The following FNTB variants were observed in gnomAD, a reference collection of about 807,000 sequenced individuals.
FNTB encodes protein farnesyltransferase subunit beta.
FNTB carries 27 observed loss-of-function variants against 59.4 expected under a neutral mutation model. The observed-to-expected ratio is 0.45, with a 90% CI of 0.34 to 0.63. The LOEUF (loss-of-function observed/expected upper bound fraction) is 0.63, where lower values mean the gene tolerates loss of function less well. Ranked by LOEUF, FNTB falls within the 20% of genes least tolerant of loss-of-function variation. The probability of loss-of-function intolerance (pLI) is 0.02; values close to 1 mark genes in which losing one functional copy is unlikely to be tolerated. For synonymous variants in FNTB, 230 were observed against 220.7 expected, an observed-to-expected ratio of 1.04 and a Z score of -0.37; for missense variants, 449 against 559.6, an observed-to-expected ratio of 0.80 and a Z score of 1.99.
At chr14:65,002,396 G>T (rs939172928) in intron 1 of FNTB, among the ~76,000 whole-genome samples, 6 of 152,188 alleles carry the variant, frequency 3.9e-5, no homozygotes, top group Admixed American at 6.5e-5. Flanking sequence ...ATCACCTGAG[G>T]TCAGGAGTTC....
chr14:65,019,751 C>T (rs1052553249), intron 4 of FNTB, among the ~76,000 whole-genome samples: 3 of 152,084 alleles, frequency 2.0e-5, no homozygotes, highest in African/African-American at 7.2e-5. Flanking sequence ...TGCTTTGTGC[C>T]TAGGAGGTGG....
rs1304200825 is a variant in FNTB, at chr14:65,009,872, C to T, written c.210-2445C>T. ...TGATCACAGCGTTTATTGGACAGGG[C>T]TCTGCTTGTCATTTTCACATGTGTG... On this transcript the variant is annotated intron_variant, in intron 2 of 11. Transcript: ENST00000246166. This position sits in a 1 kb window ranked among gnomAD's most constrained non-coding sequence, Gnocchi z 4.2. Among the ~76,000 whole-genome samples, 13 of 152,148 alleles carry T rather than the reference C, an allele frequency of 8.5e-5. No homozygotes were observed. Among genetic ancestry groups the T allele is most frequent in the Admixed American group, 7.9e-4 (12 of 15,266 alleles).
chr14:65,062,168 TA>T lies in FNTB; in HGVS notation c.*857del, dbSNP rs1458350886. 2.6e-5 allele frequency: 4 copies of T among 152,566 alleles called. No homozygotes were observed. The highest frequency in any genetic ancestry group is 9.6e-5 in the African/African-American group (4 of 41,598). The allele number at this position is 152,566 out of a possible 1,614,324, so 9.5% of individuals were successfully genotyped here. ...AGGCCGAGGCCCTTCTGGGGGTTTC[TA>T]TCTTTCTTCCACCAGACTCCAAGCC... On this transcript the variant is annotated 3_prime_UTR_variant, in exon 12 of 12. Coordinates refer to ENST00000246166, the MANE Select transcript of FNTB (RefSeq NM_002028.4). The surrounding 1 kb of genome is among the most constrained non-coding windows in gnomAD (Gnocchi z 4.3).
chr14:64,990,569 C>G lies in FNTB; in HGVS notation c.144+3472C>G, dbSNP rs974476715. On this transcript the variant is annotated intron_variant, in intron 1 of 11. Transcript: ENST00000246166. This position sits in a 1 kb window ranked among gnomAD's most constrained non-coding sequence, Gnocchi z 5.2. Reference sequence around the variant, plus strand: ...TTACCAGCTCCAGATACTGCATTTTCTCTTGTGGTTTCCCTACACCTGCCC... The same window carrying G: ...TTACCAGCTCCAGATACTGCATTTTGTCTTGTGGTTTCCCTACACCTGCCC... Among the ~76,000 whole-genome samples, 1 of 152,110 alleles carries G rather than the reference C, an allele frequency of 6.6e-6. No individual in the cohort carries two copies. The highest frequency in any genetic ancestry group is 6.5e-5 in the Admixed American group (1 of 15,272).
intron 2 of FNTB, among the ~76,000 whole-genome samples, chr14:65,004,824 G>A (rs973094920): frequency 1.3e-5 from 2 of 151,976 alleles, no homozygotes; most frequent in Non-Finnish European, 2.9e-5. Flanking sequence ...CACCACACTC[G>A]GCTAATTTTT....
At chr14:65,056,149 G>T (rs1292575665) in intron 11 of FNTB, among the ~76,000 whole-genome samples, 1 of 152,122 alleles carries the variant, frequency 6.6e-6, no homozygotes, top group Non-Finnish European at 1.5e-5. Flanking sequence ...CAAACTTTTT[G>T]TAATGGTACC....
At chr14:65,015,395 G>A (rs1252137036) in intron 3 of FNTB, 6 of 386,512 alleles carry the variant, frequency 1.6e-5, no homozygotes, top group Non-Finnish European at 2.8e-5. Flanking sequence ...GAACCACCGC[G>A]CCCAGCCTTG....
intron 7 of FNTB, among the ~76,000 whole-genome samples, chr14:65,040,426 AT>A (rs2062322740): frequency 6.6e-6 from 1 of 151,530 alleles, no homozygotes; most frequent in Admixed American, 6.6e-5. Context: ...GGTTTTTAAC[AT>A]TTTACAGTTT....
chr14:64,995,417 T>C (rs986125869), intron 1 of FNTB, among the ~76,000 whole-genome samples: 15 of 152,196 alleles, frequency 9.9e-5, no homozygotes, highest in African/African-American at 3.6e-4. Context: ...TTGTATGTGT[T>C]ATACTTTTAT....
chr14:65,016,980 T>C (rs1460066873), intron 4 of FNTB, among the ~76,000 whole-genome samples: 2 of 145,990 alleles, frequency 1.4e-5, no homozygotes, highest in Non-Finnish European at 3.0e-5. Context: ...TGGGGTGCAG[T>C]GGCACAGTCT....
In FNTB at chr14:65,054,655, A is replaced by G; in HGVS notation, c.1148A>G (p.His383Arg). 1.9e-6 allele frequency: 3 copies of G among 1,613,378 alleles called. No individual in the cohort carries two copies. The highest frequency in any genetic ancestry group is 2.2e-5 in the South Asian group (2 of 90,818). ...CACTTCGGCAGCGGAGCCATGTTGC[A>G]TGATGTGGTCCTGGGTGTGCCCGAA... is the stretch of plus-strand genomic sequence containing the variant. ...AQHFGSGAMLHDVVLGVPENA... is the reference protein window; with the variant it reads ...AQHFGSGAMLRDVVLGVPENA... Residue 383 changes from histidine (H) to arginine (R), a missense_variant, in exon 11 of 12, where the codon CAT becomes CGT. Around this residue, in one of 2 missense-constraint regions of FNTB, gnomAD observed 337 missense variants for 479.1 expected, o/e 0.70. Transcript: ENST00000246166. This position sits in a 1 kb window ranked among gnomAD's most constrained non-coding sequence, Gnocchi z 4.4.
Position 65,012,690 on chromosome 14 carries a change from C to A in FNTB, c.282+301C>A, listed in dbSNP as rs551939614. On this transcript the variant is annotated intron_variant, in intron 3 of 11. Transcript: ENST00000246166. This position sits in a 1 kb window ranked among gnomAD's most constrained non-coding sequence, Gnocchi z 5.0. ...GACCTCCTTGACAGCTGGCTAAATG[C>A]CAGTTACCTGTTCACCCTTAACCCT... Among the ~76,000 whole-genome samples, 3 of 152,202 alleles carry A rather than the reference C, an allele frequency of 2.0e-5. No homozygotes were observed. The highest frequency in any genetic ancestry group is 1.3e-4 in the Admixed American group (2 of 15,278).
intron 7 of FNTB, among the ~76,000 whole-genome samples, chr14:65,037,147 G>A (rs907544900): frequency 6.7e-6 from 1 of 149,440 alleles, no homozygotes; most frequent in Non-Finnish European, 1.5e-5. Flanking sequence ...GTTGTTACCC[G>A]GGCTGGAGTG....
Position 65,029,980 on chromosome 14 carries a change from T to C in FNTB, c.605+2199T>C, listed in dbSNP as rs1208010515. ...CAAGGATGGAAAGTTAGTGGACAAA[T>C]TCAAATTTGAGAGCTGCGATGACTG... On this transcript the variant is annotated intron_variant, in intron 6 of 11. Coordinates refer to ENST00000246166, the MANE Select transcript of FNTB (RefSeq NM_002028.4). This position sits in a 1 kb window ranked among gnomAD's most constrained non-coding sequence, Gnocchi z 4.7. Among the ~76,000 whole-genome samples, 2 of 152,118 alleles carry C rather than the reference T, an allele frequency of 1.3e-5. No homozygotes were observed. The highest frequency in any genetic ancestry group is 2.9e-5 in the Non-Finnish European group (2 of 68,018).
At chr14:64,988,159 A>C (rs1292079215) in intron 1 of FNTB, among the ~76,000 whole-genome samples, 1 of 152,242 alleles carries the variant, frequency 6.6e-6, no homozygotes, top group Admixed American at 6.5e-5. Context: ...AGGGCTTGAT[A>C]CGTGGTTATT....
In FNTB at chr14:65,023,385, C is replaced by T. The variant is rs542547220; in HGVS notation, c.375-4068C>T. On this transcript the variant is annotated intron_variant, in intron 4 of 11. Transcript: ENST00000246166. The surrounding 1 kb of genome is among the most constrained non-coding windows in gnomAD (Gnocchi z 4.1). ...TCAATCACTTTAGATCAGTCCTCAGCCATCACCTAAGAGTCCCAAGTAAAC... is the reference window on the plus strand; with the variant it reads ...TCAATCACTTTAGATCAGTCCTCAGTCATCACCTAAGAGTCCCAAGTAAAC... 1.3e-5 allele frequency among the ~76,000 whole-genome samples: 2 copies of T among 152,262 alleles called. No homozygotes were observed. Among genetic ancestry groups the T allele is most frequent in the African/African-American group, 4.8e-5 (2 of 41,554 alleles).
In FNTB at chr14:64,989,058, C is replaced by T. The variant is rs78614277; in HGVS notation, c.144+1961C>T. Reference sequence around the variant, plus strand: ...ATGATACATTCATCAAAAGTAACAACCTTGTTAGGAGGAGTTGTTTACAGA... The same window carrying T: ...ATGATACATTCATCAAAAGTAACAATCTTGTTAGGAGGAGTTGTTTACAGA... On this transcript the variant is annotated intron_variant, in intron 1 of 11. Coordinates refer to ENST00000246166, the MANE Select transcript of FNTB (RefSeq NM_002028.4). Among the ~76,000 whole-genome samples, 358 of 152,122 alleles carry T rather than the reference C, an allele frequency of 2.4e-3. 2 individuals carry two copies. The highest frequency in any genetic ancestry group is 8.2e-3 in the African/African-American group (342 of 41,490).
At chr14:64,987,143 G>A (rs751307216) in intron 1 of FNTB, 46 bp downstream of exon 1, 2 of 1,609,394 alleles carry the variant, frequency 1.2e-6, no homozygotes, top group Non-Finnish European at 1.7e-6. Context: ...TGTGTTCTGG[G>A]AGCGCGAGTC....
At chr14:65,046,237 A>G (rs951395594) in intron 9 of FNTB, among the ~76,000 whole-genome samples, 1 of 152,160 alleles carries the variant, frequency 6.6e-6, no homozygotes, top group Non-Finnish European at 1.5e-5. Context: ...TGGCCTCCCA[A>G]AGTGCTGGGA....
Sources: gnomAD v4.1 joint callset for allele counts (sites outside exome capture counted in the v4.1 genomes callset) on GRCh38, gnomAD v4.1.1 for gene constraint, gnomAD v4.1.1 regional missense constraint, Gnocchi (gnomAD v3.1) non-coding constraint, MANE v1.5 for transcripts, NCBI Gene and HGNC (gene_info 2026-07-23, HGNC 2026-07-21) for gene names.